FBXW10B: variants seen among roughly 807,000 people sequenced by gnomAD.
The protein encoded by FBXW10B is F-box and WD repeat domain containing protein 10B.
the FBXW10B span, among the ~76,000 whole-genome samples, chr17:15,618,331 AAAAAG>A: frequency 1.3e-5 from 2 of 152,070 alleles, no homozygotes; most frequent in Non-Finnish European, 2.9e-5. Context: ...ATCTCAAAAA[AAAAAG>A]AAAAGGAATA....
At chr17:15,568,777 A>C in the FBXW10B span, 1 of 938,570 alleles carries the variant, frequency 1.1e-6, no homozygotes, top group African/African-American at 1.7e-5. Context: ...TTCCAAAGTC[A>C]GGCACCTATA....
At chr17:15,583,565 G>C in the FBXW10B span, among the ~76,000 whole-genome samples, 1 of 149,390 alleles carries the variant, frequency 6.7e-6, no homozygotes, top group African/African-American at 2.4e-5. Context: ...TTTGCATAAT[G>C]GAGTAAACTG....
chr17:15,570,573 T>G, the FBXW10B span, among the ~76,000 whole-genome samples: 4 of 152,192 alleles, frequency 2.6e-5, no homozygotes, highest in Non-Finnish European at 5.9e-5. Context: ...TTGGTCAGTG[T>G]TGTTCTGGAG....
chr17:15,613,312 C>T, the FBXW10B span, among the ~76,000 whole-genome samples: 7 of 148,328 alleles, frequency 4.7e-5, no homozygotes, highest in African/African-American at 1.5e-4. Flanking sequence ...GCTGCATAAG[C>T]TGCAATATAA....
chr17:15,600,778 G>A, the FBXW10B span, among the ~76,000 whole-genome samples: 4 of 151,952 alleles, frequency 2.6e-5, no homozygotes, highest in Non-Finnish European at 5.9e-5. Context: ...GGCCGGGCGC[G>A]GTGGCTCATG....
At chr17:15,589,081 G>T in the FBXW10B span, 115 of 1,584,086 alleles carry the variant, frequency 7.3e-5, 1 homozygote, top group South Asian at 1.2e-3. Flanking sequence ...CAGCCTCGAT[G>T]CTGGTAAGTG....
At chr17:15,596,744 C>T in the FBXW10B span, 201,706 of 1,437,944 alleles carry the variant, frequency 0.14, 15,299 homozygotes, top group Admixed American at 0.26. Context: ...TTCTGCTCCC[C>T]ATCACAGAAG....
chr17:15,586,021 T>C, the FBXW10B span, among the ~76,000 whole-genome samples: 2 of 151,668 alleles, frequency 1.3e-5, no homozygotes, highest in African/African-American at 4.9e-5. Flanking sequence ...GCCCTGCTCT[T>C]GTCTGCAGCC....
At chr17:15,590,449 T>C in the FBXW10B span, among the ~76,000 whole-genome samples, 1 of 146,860 alleles carries the variant, frequency 6.8e-6, no homozygotes. Flanking sequence ...TGGGGTCCTT[T>C]GGTGAGGTTT....
At chr17:15,616,093 C>T in the FBXW10B span, among the ~76,000 whole-genome samples, 2 of 152,110 alleles carry the variant, frequency 1.3e-5, no homozygotes, top group Admixed American at 6.5e-5. Context: ...GAATGCTCTT[C>T]GGAAGCTCAA....
chr17:15,596,353 T>G, the FBXW10B span: 1 of 644,830 alleles, frequency 1.6e-6, no homozygotes, highest in Non-Finnish European at 1.9e-6. Flanking sequence ...CCACGGACTC[T>G]GAATGCCTCA....
At chr17:15,566,373 A>G in the FBXW10B span, 54 of 1,366,766 alleles carry the variant, frequency 4.0e-5, 9 homozygotes, top group Non-Finnish European at 4.6e-5. Context: ...CAAAAAAAAG[A>G]AAATTTTAAA....
At chr17:15,586,982 G>A in the FBXW10B span, among the ~76,000 whole-genome samples, 3 of 151,580 alleles carry the variant, frequency 2.0e-5, no homozygotes, top group Non-Finnish European at 2.9e-5. Context: ...CTGTTAAGGC[G>A]TCTTGGGAGC....
chr17:15,598,136 C>A, the FBXW10B span, among the ~76,000 whole-genome samples: 1,465 of 152,166 alleles, frequency 9.6e-3, 29 homozygotes, highest in African/African-American at 0.033. Flanking sequence ...AAGCATCTGT[C>A]ACAAAACTGG....
the FBXW10B span, chr17:15,574,008 T>C: frequency 3.2e-6 from 2 of 623,436 alleles, no homozygotes; most frequent in Non-Finnish European, 5.7e-6. Flanking sequence ...TTGTGTGAAA[T>C]GCTGATTCCT....
chr17:15,613,707 A>G, the FBXW10B span: 3 of 1,611,276 alleles, frequency 1.9e-6, no homozygotes, highest in Middle Eastern at 1.6e-4. Context: ...TGGCTCACAG[A>G]GGCGCACTTG....
the FBXW10B span, among the ~76,000 whole-genome samples, chr17:15,570,532 A>G: frequency 6.6e-6 from 1 of 152,234 alleles, no homozygotes; most frequent in Non-Finnish European, 1.5e-5. Flanking sequence ...ACCAGACTAC[A>G]CTGTGAAGGC....
At chr17:15,565,651 T>G in the FBXW10B span, 3 of 1,614,276 alleles carry the variant, frequency 1.9e-6, no homozygotes, top group Non-Finnish European at 2.5e-6. Flanking sequence ...TTTTCCTGGA[T>G]CAACCACTCC....
the FBXW10B span, chr17:15,612,605 T>C: frequency 6.4e-7 from 1 of 1,553,634 alleles, no homozygotes; most frequent in Admixed American, 1.8e-5. Flanking sequence ...CGTGATCCTC[T>C]GTCCTCACTC....
Sources: allele counts gnomAD v4.1 joint callset (sites outside exome capture counted in the v4.1 genomes callset), GRCh38; gene constraint gnomAD v4.1.1; transcripts MANE v1.5; gene names NCBI Gene and HGNC (gene_info 2026-07-23, HGNC 2026-07-21).